ZNF716: variants seen among roughly 807,000 people sequenced by gnomAD.
The protein encoded by ZNF716 is zinc finger protein 716.
A neutral mutation model predicts 13.4 loss-of-function variants in ZNF716; 9 were observed. The ratio of observed to expected loss-of-function variants is 0.67; its 90% CI spans 0.41 to 1.18. The LOEUF is 1.18. Ranked by LOEUF, ZNF716 falls within the 50% of genes most tolerant of loss-of-function variation. The probability of loss-of-function intolerance (pLI) is 0.01; values close to 1 mark genes in which losing one functional copy is unlikely to be tolerated. For synonymous variants in ZNF716, 186 were observed against 195.2 expected (o/e 0.95, Z 0.39); for missense variants, 581 against 576.6 (o/e 1.01, Z -0.08).
intron 3 of ZNF716, among the ~76,000 whole-genome samples, chr7:57,465,844 T>A (rs1467375691): frequency 6.6e-6 from 1 of 152,198 alleles, no homozygotes; most frequent in African/African-American, 2.4e-5. Flanking sequence ...CATGGTATGC[T>A]ATGCAGCCAT....
At chr7:57,460,780 G>A (rs1381860410) in intron 1 of ZNF716, among the ~76,000 whole-genome samples, 2 of 152,172 alleles carry the variant, frequency 1.3e-5, no homozygotes, top group Admixed American at 6.5e-5. Flanking sequence ...TCATCTGTGT[G>A]CTCTATTAGT....
Position 57,450,184 on chromosome 7 carries a change from CT to C in ZNF716, c.-103del. Reference sequence around the variant, plus strand: ...TCCGTAAGGTTACGGGTTCTTTTTGCTTCTCTGCGCCCAGAGCTCCAGTCCT... The same window carrying C: ...TCCGTAAGGTTACGGGTTCTTTTTGCTCTCTGCGCCCAGAGCTCCAGTCCT... On this transcript the variant is annotated 5_prime_UTR_variant, in exon 1 of 4. Coordinates refer to ENST00000420713, the MANE Select transcript of ZNF716 (RefSeq NM_001159279.1). 1.9e-6 allele frequency: 3 copies of C among 1,547,054 alleles called. No individual in the cohort carries two copies. The Admixed American group carries it at 5.6e-5, about 29-fold the overall frequency.
At chr7:57,456,737 A>G (rs534394310) in intron 1 of ZNF716, among the ~76,000 whole-genome samples, 1 of 152,010 alleles carries the variant, frequency 6.6e-6, no homozygotes, top group Admixed American at 6.5e-5. Flanking sequence ...TGCATTTCAA[A>G]AAAAAAAAAC....
chr7:57,463,181 G>A lies in ZNF716; in HGVS notation c.262+13G>A, dbSNP rs782158734. The A allele has an allele frequency of 2.5e-4, 402 of 1,605,312 alleles. No individual in the cohort carries two copies. The highest frequency in any genetic ancestry group is 2.3e-4 in the Non-Finnish European group (268 of 1,179,750). ...GCCAAACACCCAGGTAGGTGAGAGCGAATGAAGCAGATGACACAGATGAGA... is the reference window on the plus strand; with the variant it reads ...GCCAAACACCCAGGTAGGTGAGAGCAAATGAAGCAGATGACACAGATGAGA... On this transcript the variant is annotated intron_variant, in intron 3 of 3. Transcript: ENST00000420713.
chr7:57,452,214 T>C (rs782287226), intron 1 of ZNF716, among the ~76,000 whole-genome samples: 14 of 152,254 alleles, frequency 9.2e-5, no homozygotes, highest in Non-Finnish European at 1.2e-4. Context: ...CTATTTGTCC[T>C]TTCTTGTATG....
In ZNF716 at chr7:57,469,749, C is replaced by A; in HGVS notation, c.1288C>A (p.His430Asn). 1 of 1,612,058 alleles carries A rather than the reference C, an allele frequency of 6.2e-7. No individual in the cohort carries two copies. The highest frequency in any genetic ancestry group is 8.5e-7 in the Non-Finnish European group (1 of 1,179,018). Residue 430 changes from histidine to asparagine, a missense_variant, in exon 4 of 4, where the codon CAT (histidine) becomes AAT (asparagine). By Grantham distance (68) the His-to-Asn change is moderately conservative (BLOSUM62 1). Transcript: ENST00000420713. ...SSTLKKHKII[H>N]TGEKLYKCKE... ...AACCCTTAAGAAACATAAGATAATTCATACTGGAGAGAAACTCTACAAATG... is the reference window on the plus strand; with the variant it reads ...AACCCTTAAGAAACATAAGATAATTAATACTGGAGAGAAACTCTACAAATG...
chr7:57,464,720 T>C (rs543625789), intron 3 of ZNF716, among the ~76,000 whole-genome samples: 1 of 152,202 alleles, frequency 6.6e-6, no homozygotes, highest in South Asian at 2.1e-4. Flanking sequence ...GTTACTTTTT[T>C]TTCAGTCTAA....
Position 57,468,617 on chromosome 7 carries a change from T to C in ZNF716, c.263-107T>C. On this transcript the variant is annotated intron_variant, in intron 3 of 3. Coordinates refer to ENST00000420713, the MANE Select transcript of ZNF716 (RefSeq NM_001159279.1). ...GGAATTACGGCTTGTGGTATTTTGATATGCCATTTTGCTAATGTACTTTGT... is the reference window on the plus strand; with the variant it reads ...GGAATTACGGCTTGTGGTATTTTGACATGCCATTTTGCTAATGTACTTTGT... 6 of 1,132,840 alleles carry C rather than the reference T, an allele frequency of 5.3e-6. No homozygotes were observed. In the South Asian group the frequency reaches 9.9e-5, roughly 19 times the overall value. The allele number at this position is 1,132,840 out of a possible 1,614,324, so 70.2% of individuals were successfully genotyped here. A position where few individuals can be genotyped will look rare whatever the true frequency, so the allele number is the denominator to read the frequency against.
chr7:57,463,294 AT>A, intron 3 of ZNF716, 126 bp downstream of exon 3: 13 of 1,271,108 alleles, frequency 1.0e-5, no homozygotes, highest in African/African-American at 1.5e-5. Context: ...AGCCAGAGTC[AT>A]TTTTTTCTAT....
At chr7:57,462,403 G>C (rs553548223) in intron 1 of ZNF716, 57 bp from the exon 2 acceptor site, 1 of 1,577,880 alleles carries the variant, frequency 6.3e-7, no homozygotes, top group African/African-American at 1.4e-5. Context: ...ATGGCAACAT[G>C]GTAACTGTTT....
At chr7:57,462,082 C>A (rs1554323174) in intron 1 of ZNF716, among the ~76,000 whole-genome samples, 1 of 151,840 alleles carries the variant, frequency 6.6e-6, no homozygotes, top group Admixed American at 6.6e-5. Context: ...ATCACTTGAA[C>A]CCAGGAGGCG....
At chr7:57,467,500 C>T (rs1428829398) in intron 3 of ZNF716, among the ~76,000 whole-genome samples, 1 of 151,174 alleles carries the variant, frequency 6.6e-6, no homozygotes, top group African/African-American at 2.4e-5. Flanking sequence ...TTATTCTCAC[C>T]ATGAAGATTT....
Position 57,462,472 on chromosome 7 carries a change from T to C in ZNF716, c.52T>C (p.Phe18Leu), listed in dbSNP as rs1302002240. ...PGSREMGLLTFRDIAIEFSLA... is the reference protein window; with the variant it reads ...PGSREMGLLTLRDIAIEFSLA... ...TTTTTGTTTTTAGGGACTGTTGACA[T>C]TCAGAGACATAGCTATAGAATTTTC... is the stretch of plus-strand genomic sequence containing the variant. Residue 18 changes from phenylalanine to leucine, a missense_variant, in exon 2 of 4, where the codon TTC becomes CTC. Coordinates refer to ENST00000420713, the MANE Select transcript of ZNF716 (RefSeq NM_001159279.1). The C allele has an allele frequency of 1.2e-6, 2 of 1,613,926 alleles. No homozygotes were observed. The highest frequency in any genetic ancestry group is 1.3e-5 in the African/African-American group (1 of 75,028).
Position 57,469,278 on chromosome 7 carries a change from G to C in ZNF716, c.817G>C (p.Glu273Gln), listed in dbSNP as rs1562679758. 6.3e-7 allele frequency: 1 copy of C among 1,590,892 alleles called. No homozygotes were observed. Among genetic ancestry groups the C allele is most frequent in the South Asian group, 1.1e-5 (1 of 87,390 alleles). Residue 273 changes from glutamate to glutamine, a missense_variant, in exon 4 of 4, where the codon GAA (glutamate) becomes CAA (glutamine). Coordinates refer to ENST00000420713, the MANE Select transcript of ZNF716 (RefSeq NM_001159279.1). ...TGGAGAGAAACCTTACACATGTGAA[G>C]AACGTGGCAAAGTCTTTAGCCGCTC... ...HTGEKPYTCE[E>Q]RGKVFSRSTL... is the part of the protein sequence containing the mutation.
rs1227430715 is a variant in ZNF716 at position 57,471,989 on chromosome 7, C to A, written c.*2040C>A. 1.3e-5 allele frequency: 2 copies of A among 152,154 alleles called. No homozygotes were observed. Among genetic ancestry groups the A allele is most frequent in the Non-Finnish European group, 2.9e-5 (2 of 68,024 alleles). 9.4% of individuals were successfully genotyped at this position (152,154 alleles called of 1,614,324 possible). ...GAAAAGCAAATAGTAATGTAACTCA[C>A]ATTTCAAATTACTTCATGTTGATCC... is the stretch of plus-strand genomic sequence containing the variant. On this transcript the variant is annotated 3_prime_UTR_variant, in exon 4 of 4. Coordinates refer to ENST00000420713, the MANE Select transcript of ZNF716 (RefSeq NM_001159279.1).
At position 57,460,394 on chromosome 7, in the gene ZNF716, CAAAAA is replaced by C. The variant is rs71565809; in HGVS notation, c.40-2050_40-2046del. On this transcript the variant is annotated intron_variant, in intron 1 of 3. Coordinates refer to ENST00000420713, the MANE Select transcript of ZNF716 (RefSeq NM_001159279.1). ...TGGGTGATAGAGTGAGACTGTGTCT[CAAAAA>C]AAAAAAAAAAAAAAAGGCAGCGTCC... is the stretch of plus-strand genomic sequence containing the variant. Among the ~76,000 whole-genome samples, 19 of 85,502 alleles carry C rather than the reference CAAAAA, an allele frequency of 2.2e-4. No individual in the cohort carries two copies. The Admixed American group carries it at 2.7e-3, about 12-fold the overall frequency. The allele number at this position is 85,502 out of a possible 152,430, so 56.1% of individuals were successfully genotyped here.
At chr7:57,460,051 G>GA (rs1231397728) in intron 1 of ZNF716, among the ~76,000 whole-genome samples, 2 of 151,464 alleles carry the variant, frequency 1.3e-5, no homozygotes, top group Admixed American at 6.6e-5. Flanking sequence ...AGGAGGAAGA[G>GA]AAAAAAAATC....
chr7:57,465,643 C>CCTGG (rs1452332299), intron 3 of ZNF716, among the ~76,000 whole-genome samples: 2 of 152,198 alleles, frequency 1.3e-5, no homozygotes, highest in African/African-American at 4.8e-5. Flanking sequence ...AGCCACTGCA[C>CCTGG]CTGGCTGATC....
intron 1 of ZNF716, among the ~76,000 whole-genome samples, chr7:57,461,289 T>C (rs1320523342): frequency 6.6e-6 from 1 of 151,990 alleles, no homozygotes; most frequent in Non-Finnish European, 1.5e-5. Flanking sequence ...AAAATATATA[T>C]AGTTACAATT....
Sources: gnomAD v4.1 joint callset for allele counts (sites outside exome capture counted in the v4.1 genomes callset) on GRCh38, gnomAD v4.1.1 for gene constraint, MANE v1.5 for transcripts, NCBI Gene and HGNC (gene_info 2026-07-23, HGNC 2026-07-21) for gene names.